The following TRA2B variants were observed in gnomAD, a reference collection of about 807,000 sequenced individuals.
TRA2B encodes transformer-2 protein homolog beta.
A neutral mutation model predicts 41.7 loss-of-function variants in TRA2B; 14 were observed. That is an observed-to-expected ratio of 0.34 (90% CI 0.22 to 0.53). TRA2B has a LOEUF of 0.53. TRA2B is among the 20% of genes least tolerant of loss of function. TRA2B has a pLI of 0.95. For missense variants in TRA2B, 167 were observed against 396.8 expected (o/e 0.42, Z 4.92); for synonymous variants, 130 against 128.8 (o/e 1.01, Z -0.06).
chr3:185,930,830 A>G (rs187322091), intron 1 of TRA2B, among the ~76,000 whole-genome samples: 19 of 152,326 alleles, frequency 1.2e-4, no homozygotes, highest in Admixed American at 1.2e-3. Context: ...AAAAGGAGAA[A>G]TAGGAATGAA....
rs1375111911 is a variant in TRA2B, at chr3:185,917,441, C to A, written c.*274G>T. On this transcript the variant is annotated 3_prime_UTR_variant, in exon 9 of 9. Transcript: ENST00000453386. ...AAAACCTTTTAAATGAAGTTTTGTA[C>A]AATAGAAACTTCTCAGCAGTCAAAA... The A allele has an allele frequency of 2.3e-6, 1 of 428,340 alleles. No homozygotes were observed. 26.5% of individuals were successfully genotyped at this position (428,340 alleles called of 1,614,324 possible).
chr3:185,914,585 ATATAT>A lies in TRA2B; in HGVS notation c.*3125_*3129del, dbSNP rs1327608775. Among the ~76,000 whole-genome samples the A allele has an allele frequency of 3.3e-5, 5 of 152,162 alleles. No individual in the cohort carries two copies. The highest frequency in any genetic ancestry group is 7.2e-5 in the African/African-American group (3 of 41,432). On this transcript the variant is annotated 3_prime_UTR_variant, in exon 9 of 9. Transcript: ENST00000453386. ...CTTGTCACTTTTAAGTCTTTACATT[ATATAT>A]TAAAGATTACACATAATAATCCTTT...
chr3:185,937,934 C>A lies in TRA2B; in HGVS notation c.-74G>T. ...ACCTCTTGCACCTTCCTTAAGGAGG[C>A]TCCGCCGCAGCCCCGCACGACGCGC... On this transcript the variant is annotated 5_prime_UTR_variant, in exon 1 of 9. Coordinates refer to ENST00000453386, the MANE Select transcript of TRA2B (RefSeq NM_004593.3). 1.3e-6 allele frequency: 2 copies of A among 1,582,876 alleles called. No individual in the cohort carries two copies. Among genetic ancestry groups the A allele is most frequent in the East Asian group, 2.3e-5 (1 of 44,238 alleles).
rs556156507 is a variant in TRA2B at position 185,920,411 on chromosome 3, G to C, written c.722+693C>G. 3.3e-5 allele frequency among the ~76,000 whole-genome samples: 5 copies of C among 152,246 alleles called. No individual in the cohort carries two copies. The South Asian group carries it at 6.2e-4, about 19-fold the overall frequency. On this transcript the variant is annotated intron_variant, in intron 6 of 8. Transcript: ENST00000453386. ...TGGGGGAGGAGACTCAGGTGGGAGC[G>C]TACTTGGCTCACTGCAGCTTCAACC...
chr3:185,933,393 TC>T (rs1253496059), intron 1 of TRA2B, among the ~76,000 whole-genome samples: 1 of 152,178 alleles, frequency 6.6e-6, no homozygotes, highest in Non-Finnish European at 1.5e-5. Context: ...AACCAGAAGA[TC>T]AACTCTTGGG....
chr3:185,926,165 G>A (rs759224411), intron 2 of TRA2B, among the ~76,000 whole-genome samples: 2 of 149,864 alleles, frequency 1.3e-5, no homozygotes, highest in Admixed American at 1.3e-4. Context: ...AAACCAGGAT[G>A]TATATATAGC....
At chr3:185,931,604 TACTTCTTATCTTA>T in intron 1 of TRA2B, 1 of 1,279,870 alleles carries the variant, frequency 7.8e-7, no homozygotes, top group East Asian at 3.2e-5. Context: ...GATTCCAGAT[TACTTCTTATCTTA>T]ACTTCATTTT....
chr3:185,916,406 C>T lies in TRA2B; in HGVS notation c.*1309G>A, dbSNP rs889380764. ...CCTGAAACATACTAATACCTAGATG[C>T]GATAAAGGTTAGCAAGGCAACAAAA... On this transcript the variant is annotated 3_prime_UTR_variant, in exon 9 of 9. Coordinates refer to ENST00000453386, the MANE Select transcript of TRA2B (RefSeq NM_004593.3). 3.9e-5 allele frequency: 6 copies of T among 152,264 alleles called. No homozygotes were observed. The highest frequency in any genetic ancestry group is 1.9e-4 in the East Asian group (1 of 5,188). The allele number at this position is 152,264 out of a possible 1,614,324, so 9.4% of individuals were successfully genotyped here.
At chr3:185,935,840 G>T in intron 1 of TRA2B, 1 of 985,338 alleles carries the variant, frequency 1.0e-6, no homozygotes, top group Non-Finnish European at 1.2e-6. Context: ...CAATATGGAA[G>T]TATTTCACAA....
Position 185,932,729 on chromosome 3 carries a change from T to C in TRA2B, c.36+5096A>G, listed in dbSNP as rs146570156. Among the ~76,000 whole-genome samples, 8 of 152,326 alleles carry C rather than the reference T, an allele frequency of 5.3e-5. No individual in the cohort carries two copies. The East Asian group carries it at 1.5e-3, about 29-fold the overall frequency. Reference sequence around the variant, plus strand: ...TTGATCTGTAAATGTCTGTTGAACATACTAAACAAAATAAAATACTGCCTA... The same window carrying C: ...TTGATCTGTAAATGTCTGTTGAACACACTAAACAAAATAAAATACTGCCTA... On this transcript the variant is annotated intron_variant, in intron 1 of 8. Transcript: ENST00000453386.
chr3:185,918,418 T>C lies in TRA2B; in HGVS notation c.803A>G (p.Tyr268Cys). 1.2e-6 allele frequency: 2 copies of C among 1,613,578 alleles called. No homozygotes were observed. Among genetic ancestry groups the C allele is most frequent in the Non-Finnish European group, 1.7e-6 (2 of 1,179,680 alleles). ...TGATCTGTATCCTCCACGACTATAG[T>C]AAGGAGAAGGTGACCGCCTTCTATA... ...QIYRRRSPSP[Y>C]YSRGGYRSRS... Residue 268 changes from tyrosine (Y) to cysteine (C), a missense_variant, in exon 8 of 9, where the codon TAC becomes TGC. Physicochemically the swap from Tyr to Cys is radical, Grantham distance 194. Transcript: ENST00000453386.
rs1321444724 is a variant in TRA2B, at chr3:185,915,108, G to A, written c.*2607C>T. ...ATTCCTGCTATGAAAATCTGCTGTT[G>A]CTGATCTGACAGGCGGCGGAGCTCA... is the stretch of plus-strand genomic sequence containing the variant. On this transcript the variant is annotated 3_prime_UTR_variant, in exon 9 of 9. Coordinates refer to ENST00000453386, the MANE Select transcript of TRA2B (RefSeq NM_004593.3). Among the ~76,000 whole-genome samples, 1 of 152,154 alleles carries A rather than the reference G, an allele frequency of 6.6e-6. No individual in the cohort carries two copies. The highest frequency in any genetic ancestry group is 2.1e-4 in the South Asian group (1 of 4,824).
At chr3:185,932,736 C>T (rs1322828022) in intron 1 of TRA2B, among the ~76,000 whole-genome samples, 1 of 152,064 alleles carries the variant, frequency 6.6e-6, no homozygotes, top group East Asian at 1.9e-4. Context: ...ACATACTAAA[C>T]AAAATAAAAT....
At position 185,934,052 on chromosome 3, in the gene TRA2B, A is replaced by T. The variant is rs185367076; in HGVS notation, c.36+3773T>A. The stretch of plus-strand genomic sequence containing the variant: ...AGACTGTAATTTGCTACAGTGAAGA[A>T]CTTCTTTTGGTTTGCAGTTTAAAAA... On this transcript the variant is annotated intron_variant, in intron 1 of 8. Transcript: ENST00000453386. Among the ~76,000 whole-genome samples, 20 of 152,252 alleles carry T rather than the reference A, an allele frequency of 1.3e-4. No homozygotes were observed. In the East Asian group the frequency reaches 3.9e-3, roughly 29 times the overall value.
At chr3:185,933,019 A>AT (rs1491257584) in intron 1 of TRA2B, among the ~76,000 whole-genome samples, 2 of 152,156 alleles carry the variant, frequency 1.3e-5, no homozygotes, top group Non-Finnish European at 2.9e-5. Flanking sequence ...AAATTTTTAA[A>AT]TATGTTTTTA....
At chr3:185,921,011 C>T in intron 6 of TRA2B, 93 bp downstream of exon 6, 1 of 1,091,280 alleles carries the variant, frequency 9.2e-7, no homozygotes, top group South Asian at 1.6e-5. Flanking sequence ...AGTACTAAAG[C>T]AAAGCTTTTA....
At chr3:185,936,089 T>C (rs776446753) in intron 1 of TRA2B, 36 of 985,324 alleles carry the variant, frequency 3.7e-5, no homozygotes, top group Non-Finnish European at 4.3e-5. Context: ...TAATGAACTC[T>C]GGGCAATTTT....
intron 6 of TRA2B, 29 bp from the exon 7 acceptor site, chr3:185,919,525 G>A (rs749897836): frequency 3.3e-5 from 52 of 1,586,068 alleles, no homozygotes; most frequent in Non-Finnish European, 3.9e-5. Flanking sequence ...AACACAACAC[G>A]CATTCAGTTT....
At chr3:185,924,222 T>C (rs1447414575) in intron 3 of TRA2B, 5 of 347,694 alleles carry the variant, frequency 1.4e-5, no homozygotes, top group Non-Finnish European at 2.6e-5. Context: ...AAACAAGCAC[T>C]CGTGCTGGCG....
Sources: allele counts gnomAD v4.1 joint callset (sites outside exome capture counted in the v4.1 genomes callset), GRCh38; gene constraint gnomAD v4.1.1; transcripts MANE v1.5; gene names NCBI Gene and HGNC (gene_info 2026-07-23, HGNC 2026-07-21).